Variants in WIPF3 observed in about 807,000 individuals in gnomAD.
WIPF3 encodes the protein WAS/WASL-interacting protein family member 3.
Under a neutral mutation model 38.9 loss-of-function variants are expected in WIPF3, and 33 were observed. The ratio of observed to expected loss-of-function variants is 0.85; its 90% CI spans 0.64 to 1.14. The LOEUF (loss-of-function observed/expected upper bound fraction) is 1.14, where lower values mean the gene tolerates loss of function less well. Among genes scored for constraint, WIPF3 ranks in the 50% most tolerant of loss-of-function variants. The pLI, the probability that WIPF3 is intolerant of heterozygous loss-of-function variation, is 0.00. For missense variants in WIPF3, 711 were observed against 652.5 expected (o/e 1.09, Z -0.98); for synonymous variants, 324 against 269.3 (o/e 1.20, Z -1.99).
chr7:29,880,984 TC>T (rs1785703158), intron 4 of WIPF3, among the ~76,000 whole-genome samples: 1 of 151,966 alleles, frequency 6.6e-6, no homozygotes, highest in Non-Finnish European at 1.5e-5. Flanking sequence ...CACACTATCC[TC>T]CTTGCTGCTC....
intron 1 of WIPF3, among the ~76,000 whole-genome samples, chr7:29,818,434 CAG>C (rs1315841934): frequency 6.6e-6 from 1 of 150,868 alleles, no homozygotes; most frequent in African/African-American, 2.4e-5. Context: ...ACCTGGGAGA[CAG>C]AGCGAGACTC....
At chr7:29,881,112 A>G (rs974305293) in intron 4 of WIPF3, among the ~76,000 whole-genome samples, 6 of 152,206 alleles carry the variant, frequency 3.9e-5, no homozygotes, top group African/African-American at 1.4e-4. Context: ...GTCTCTGCTC[A>G]GGTGGCAGCT....
intron 2 of WIPF3, among the ~76,000 whole-genome samples, chr7:29,856,767 C>A (rs1294278492): frequency 6.6e-6 from 1 of 151,984 alleles, no homozygotes; most frequent in African/African-American, 2.4e-5. Flanking sequence ...GGGATGATAC[C>A]CTTAGACAGA....
chr7:29,908,714 C>G (rs772044485), intron 8 of WIPF3, among the ~76,000 whole-genome samples: 37 of 152,098 alleles, frequency 2.4e-4, no homozygotes, highest in Admixed American at 8.5e-4. Context: ...AGTTCCAGAT[C>G]AGCCTGGAAC....
At chr7:29,869,991 A>T (rs1253478077) in intron 2 of WIPF3, among the ~76,000 whole-genome samples, 1 of 152,172 alleles carries the variant, frequency 6.6e-6, no homozygotes, top group Non-Finnish European at 1.5e-5. Context: ...AAGTCATTGC[A>T]GATTTTGAGT....
chr7:29,834,450 T>C (rs1784767138), intron 1 of WIPF3, among the ~76,000 whole-genome samples: 1 of 152,138 alleles, frequency 6.6e-6, no homozygotes, highest in Admixed American at 6.5e-5. Context: ...TTAACACCTA[T>C]TATCTCTAGA....
chr7:29,815,317 C>G (rs1784439280), intron 1 of WIPF3, among the ~76,000 whole-genome samples: 1 of 152,182 alleles, frequency 6.6e-6, no homozygotes, highest in Non-Finnish European at 1.5e-5. Flanking sequence ...ATTTTAAAAG[C>G]TTTTGCTCGA....
At chr7:29,842,518 C>A (rs1381171215) in intron 2 of WIPF3, among the ~76,000 whole-genome samples, 1 of 152,184 alleles carries the variant, frequency 6.6e-6, no homozygotes, top group Non-Finnish European at 1.5e-5. Flanking sequence ...TCAGGAAATT[C>A]AGTGGCATGA....
intron 2 of WIPF3, among the ~76,000 whole-genome samples, chr7:29,872,092 G>A (rs2128072677): frequency 6.6e-6 from 1 of 152,250 alleles, no homozygotes; most frequent in African/African-American, 2.4e-5. Flanking sequence ...TTTAGTTTTT[G>A]GTGCATAGTT....
intron 4 of WIPF3, among the ~76,000 whole-genome samples, chr7:29,880,318 A>G (rs1785688966): frequency 6.6e-6 from 1 of 152,170 alleles, no homozygotes; most frequent in Non-Finnish European, 1.5e-5. Flanking sequence ...GTTTAATGTT[A>G]TGGGATGATT....
rs970922471 is a variant in WIPF3, at chr7:29,916,900, G to A, written c.*2384G>A. 2 of 151,970 alleles carry A rather than the reference G, an allele frequency of 1.3e-5. No homozygotes were observed. The highest frequency in any genetic ancestry group is 4.8e-5 in the African/African-American group (2 of 41,284). The allele number at this position is 151,970 out of a possible 1,614,324, so 9.4% of individuals were successfully genotyped here. On this transcript the variant is annotated 3_prime_UTR_variant, in exon 9 of 9. Coordinates refer to ENST00000242140, the MANE Select transcript of WIPF3 (RefSeq NM_001080529.3). ...GTTTAACCCCTTGACTGTAAACTCA[G>A]ACTTAGAGACATCTGAGTCACACAG...
At chr7:29,909,909 A>G (rs1375440163) in intron 8 of WIPF3, among the ~76,000 whole-genome samples, 1 of 149,612 alleles carries the variant, frequency 6.7e-6, no homozygotes, top group Admixed American at 6.7e-5. Context: ...AAAAAAAAGA[A>G]AAAGAAGATA....
At chr7:29,863,513 A>G (rs1441687108) in intron 2 of WIPF3, among the ~76,000 whole-genome samples, 2 of 152,340 alleles carry the variant, frequency 1.3e-5, no homozygotes, top group East Asian at 3.9e-4. Flanking sequence ...GAGTTATCCA[A>G]CTTTACTCTT....
At position 29,871,844 on chromosome 7, in the gene WIPF3, T is replaced by TG. The variant is rs141041343; in HGVS notation, c.91-3985dup. On this transcript the variant is annotated intron_variant, in intron 2 of 8. Coordinates refer to ENST00000242140, the MANE Select transcript of WIPF3 (RefSeq NM_001080529.3). ...TAATCTCACAGGCACACTTCAGGTC[T>TG]GCATCCTTTATAACCAAGGGGATGA... 2.0e-4 allele frequency among the ~76,000 whole-genome samples: 31 copies of TG among 152,360 alleles called. No homozygotes were observed. The East Asian group carries it at 6.0e-3, about 29-fold the overall frequency.
chr7:29,884,844 G>A (rs1562786206), intron 5 of WIPF3, among the ~76,000 whole-genome samples: 1 of 152,190 alleles, frequency 6.6e-6, no homozygotes, highest in Non-Finnish European at 1.5e-5. Context: ...TGTAAAATGG[G>A]GATAGATGGC....
intron 4 of WIPF3, among the ~76,000 whole-genome samples, chr7:29,882,026 C>T (rs577796428): frequency 6.3e-4 from 96 of 152,354 alleles, no homozygotes; most frequent in Admixed American, 2.9e-3. Flanking sequence ...CCCCTTTCTC[C>T]TCTGCAGTCT....
At chr7:29,902,098 TAG>T (rs1225363812) in intron 7 of WIPF3, among the ~76,000 whole-genome samples, 2 of 151,762 alleles carry the variant, frequency 1.3e-5, no homozygotes, top group Non-Finnish European at 2.9e-5. Context: ...GCCCCCACAA[TAG>T]AGAGTTATAC....
At chr7:29,914,462 C>A in intron 8 of WIPF3, 31 bp from the exon 9 acceptor site, 2 of 1,481,342 alleles carry the variant, frequency 1.4e-6, no homozygotes, top group Non-Finnish European at 1.8e-6. Context: ...CTTCTAACTC[C>A]ACCTGGTAAT....
intron 1 of WIPF3, among the ~76,000 whole-genome samples, chr7:29,813,737 T>A (rs1329252048): frequency 1.3e-5 from 2 of 152,184 alleles, no homozygotes; most frequent in African/African-American, 4.8e-5. Flanking sequence ...TTTTTAGAAT[T>A]TTCACAGTTG....
Sources: gnomAD v4.1 joint callset for allele counts (sites outside exome capture counted in the v4.1 genomes callset) on GRCh38, gnomAD v4.1.1 for gene constraint, MANE v1.5 for transcripts, NCBI Gene and HGNC (gene_info 2026-07-23, HGNC 2026-07-21) for gene names.